Variants in TDRD15 observed in about 807,000 individuals in gnomAD.
TDRD15 encodes tudor domain-containing protein 15.
For missense variants in TDRD15, 1,416 were observed against 904.7 expected, an observed-to-expected ratio of 1.57 and a Z score of -7.25; for synonymous variants, 503 against 314.5, an observed-to-expected ratio of 1.60 and a Z score of -6.34.
At chr2:21,145,711 G>A (rs1054814955), downstream of TDRD15, among the ~76,000 whole-genome samples, 4 of 151,726 alleles carry the variant, frequency 2.6e-5, no homozygotes, top group African/African-American at 7.3e-5. Context: ...ACAAGAAAAC[G>A]ACATTAAAAA....
At chr2:21,146,775 A>G (rs1307547604), downstream of TDRD15, among the ~76,000 whole-genome samples, 1 of 152,126 alleles carries the variant, frequency 6.6e-6, no homozygotes, top group Non-Finnish European at 1.5e-5. Context: ...CTAGACATCC[A>G]GAGGAGAATG....
Position 21,140,503 on chromosome 2 carries a change from T to C in TDRD15, c.3036T>C (p.Ser1012=), listed in dbSNP as rs1665900891. The C allele has an allele frequency of 4.3e-6, 3 of 693,424 alleles. No homozygotes were observed. Among genetic ancestry groups the C allele is most frequent in the South Asian group, 1.6e-5 (1 of 62,314 alleles). 43.0% of individuals were successfully genotyped at this position (693,424 alleles called of 1,614,324 possible). The change falls in exon 4 of 4, where the codon TCT becomes TCC. Residue 1012 remains serine (S), a synonymous_variant. Coordinates refer to ENST00000405799, the MANE Select transcript of TDRD15 (RefSeq NM_001306137.2). ...TCCAAAATTTTCCAAAATATGATTC[T>C]AATAAAATGAGAGTGTGCATATCTA... The part of the protein sequence containing the change: ...VNLQNFPKYD[S]NKMRVCISKY...
At chr2:21,124,382 G>T (rs970689276) in intron 1 of TDRD15, among the ~76,000 whole-genome samples, 6 of 152,070 alleles carry the variant, frequency 3.9e-5, no homozygotes, top group Non-Finnish European at 7.4e-5. Flanking sequence ...GCCAGGGTGT[G>T]TATGACACAG....
chr2:21,137,890 G>C lies in TDRD15; in HGVS notation c.423G>C (p.Leu141Phe), dbSNP rs1451054436. Residue 141 changes from leucine (L) to phenylalanine (F), a missense_variant, in exon 4 of 4, where the codon TTG (leucine) becomes TTC (phenylalanine). Coordinates refer to ENST00000405799, the MANE Select transcript of TDRD15 (RefSeq NM_001306137.2). ...PVGEKWSPKALNYFKSLVGIQ... is the reference protein window; with the variant it reads ...PVGEKWSPKAFNYFKSLVGIQ... ...GGGAAAAATGGTCCCCTAAAGCTTT[G>C]AATTATTTCAAGTCATTAGTAGGAA... 1.4e-6 allele frequency: 1 copy of C among 716,042 alleles called. No homozygotes were observed. Among genetic ancestry groups the C allele is most frequent in the Non-Finnish European group, 2.6e-6 (1 of 384,316 alleles). 44.4% of individuals were successfully genotyped at this position (716,042 alleles called of 1,614,324 possible).
chr2:21,135,704 C>T (rs1665794968), intron 3 of TDRD15, among the ~76,000 whole-genome samples: 1 of 151,984 alleles, frequency 6.6e-6, no homozygotes, highest in Admixed American at 6.6e-5. Context: ...ACCCTACCCC[C>T]ATTCCCACCC....
intron 2 of TDRD15, among the ~76,000 whole-genome samples, chr2:21,130,552 A>C (rs1340824131): frequency 1.6e-4 from 25 of 152,186 alleles, no homozygotes; most frequent in Non-Finnish European, 3.7e-4. Context: ...TAAGTCTGAG[A>C]ACATCTTGTG....
chr2:21,134,362 G>A (rs183890888), intron 2 of TDRD15, among the ~76,000 whole-genome samples: 82 of 151,972 alleles, frequency 5.4e-4, no homozygotes, highest in East Asian at 2.9e-3. Context: ...GCAGAAAAGA[G>A]CACTAGTTAG....
Position 21,129,453 on chromosome 2 carries a change from T to A in TDRD15, c.-90+1742T>A, listed in dbSNP as rs1015486620. 2.0e-5 allele frequency among the ~76,000 whole-genome samples: 3 copies of A among 152,362 alleles called. No individual in the cohort carries two copies. In the East Asian group the frequency reaches 5.8e-4, roughly 29 times the overall value. On this transcript the variant is annotated intron_variant, in intron 2 of 3. Coordinates refer to ENST00000405799, the MANE Select transcript of TDRD15 (RefSeq NM_001306137.2). Reference sequence around the variant, plus strand: ...CATTGCAGTTTGTTTTCCTAGTGACTAATGATGTTGACTATCTTTTTATAT... The same window carrying A: ...CATTGCAGTTTGTTTTCCTAGTGACAAATGATGTTGACTATCTTTTTATAT...
downstream of TDRD15, among the ~76,000 whole-genome samples, chr2:21,146,652 G>C (rs960811725): frequency 1.3e-5 from 2 of 152,010 alleles, no homozygotes; most frequent in Non-Finnish European, 2.9e-5. Context: ...ATGGTAATAT[G>C]TGCCTATTCT....
chr2:21,129,756 C>T (rs1204780426), intron 2 of TDRD15, among the ~76,000 whole-genome samples: 1 of 152,014 alleles, frequency 6.6e-6, no homozygotes, highest in Non-Finnish European at 1.5e-5. Context: ...CTTTTGGAAC[C>T]ATATTTAAGA....
chr2:21,140,221 T>C lies in TDRD15; in HGVS notation c.2754T>C (p.Asp918=). The change falls in exon 4 of 4, where the codon GAT becomes GAC. Residue 918 remains aspartate (D), a synonymous_variant. Coordinates refer to ENST00000405799, the MANE Select transcript of TDRD15 (RefSeq NM_001306137.2). The stretch of plus-strand genomic sequence containing the variant: ...CAAACCATTTATATAACTTAGTGGA[T>C]TTACAGTCCTCATTTACTAGTGCAA... The part of the protein sequence containing the change: ...IHPNHLYNLV[D]LQSSFTSAKE... 1 of 715,408 alleles carries C rather than the reference T, an allele frequency of 1.4e-6. No homozygotes were observed. Among genetic ancestry groups the C allele is most frequent in the Non-Finnish European group, 2.6e-6 (1 of 383,792 alleles). The allele number at this position is 715,408 out of a possible 1,614,324, so 44.3% of individuals were successfully genotyped here.
In TDRD15 at chr2:21,143,501, T is replaced by C. The variant is rs1373596995; in HGVS notation, c.*229T>C. 6.6e-6 allele frequency among the ~76,000 whole-genome samples: 1 copy of C among 151,624 alleles called. No homozygotes were observed. Among genetic ancestry groups the C allele is most frequent in the Non-Finnish European group, 1.5e-5 (1 of 67,654 alleles). On this transcript the variant is annotated 3_prime_UTR_variant, in exon 4 of 4. Transcript: ENST00000405799. ...AAACATTTCCAGAGTACCATTTTGT[T>C]TGATACATGTACAACAGCTTCATTT...
intron 3 of TDRD15, among the ~76,000 whole-genome samples, chr2:21,135,125 T>C (rs1665784804): frequency 6.8e-6 from 1 of 146,090 alleles, no homozygotes; most frequent in South Asian, 2.1e-4. Context: ...ATATATTATG[T>C]ATTAAATATT....
Position 21,138,997 on chromosome 2 carries a change from A to C in TDRD15, c.1530A>C (p.Glu510Asp). ...ATGACCATCGGAATGAATTTCAAGA[A>C]ATAATGAAAAACATAAACAAATTTT... ...RTNDHRNEFQ[E>D]IMKNINKFYD... The change falls in exon 4 of 4, where the codon GAA (glutamate) becomes GAC (aspartate). Residue 510 changes from glutamate to aspartate, a missense_variant. Coordinates refer to ENST00000405799, the MANE Select transcript of TDRD15 (RefSeq NM_001306137.2). 1.4e-6 allele frequency: 1 copy of C among 712,372 alleles called. No homozygotes were observed. The allele number at this position is 712,372 out of a possible 1,614,324, so 44.1% of individuals were successfully genotyped here. A position where few individuals can be genotyped will look rare whatever the true frequency, so the allele number is the denominator to read the frequency against.
Position 21,139,943 on chromosome 2 carries a change from A to C in TDRD15, c.2476A>C (p.Lys826Gln). The change falls in exon 4 of 4, where the codon AAA (lysine) becomes CAA (glutamine). Residue 826 changes from lysine (K) to glutamine (Q), a missense_variant. Coordinates refer to ENST00000405799, the MANE Select transcript of TDRD15 (RefSeq NM_001306137.2). The part of the protein sequence containing the change: ...CRAAVLTQVS[K>Q]EVDIVFVDYG... ...AGCTGCTGTTTTGACTCAAGTATCAAAAGAAGTTGACATAGTGTTTGTTGA... is the reference window on the plus strand; with the variant it reads ...AGCTGCTGTTTTGACTCAAGTATCACAAGAAGTTGACATAGTGTTTGTTGA... 1.4e-6 allele frequency: 1 copy of C among 716,112 alleles called. No individual in the cohort carries two copies. Among genetic ancestry groups the C allele is most frequent in the South Asian group, 1.5e-5 (1 of 67,568 alleles). The allele number at this position is 716,112 out of a possible 1,614,324, so 44.4% of individuals were successfully genotyped here.
Position 21,139,677 on chromosome 2 carries a change from T to C in TDRD15, c.2210T>C (p.Leu737Ser), listed in dbSNP as rs1665881560. ...TCAGAATTTAAAAATCCTTTCACCT[T>C]GTCTGTGGGACCTGAGTCATCCTGG... ...NISEFKNPFT[L>S]SVGPESSWPY... is the part of the protein sequence containing the mutation. The change falls in exon 4 of 4, where the codon TTG (leucine) becomes TCG (serine). Residue 737 changes from leucine (L) to serine (S), a missense_variant. Coordinates refer to ENST00000405799, the MANE Select transcript of TDRD15 (RefSeq NM_001306137.2). 1 of 713,272 alleles carries C rather than the reference T, an allele frequency of 1.4e-6. No individual in the cohort carries two copies. Among genetic ancestry groups the C allele is most frequent in the African/African-American group, 1.8e-5 (1 of 56,966 alleles). The allele number at this position is 713,272 out of a possible 1,614,324, so 44.2% of individuals were successfully genotyped here.
downstream of TDRD15, among the ~76,000 whole-genome samples, chr2:21,146,994 TA>T (rs1666040185): frequency 6.6e-6 from 1 of 152,100 alleles, no homozygotes; most frequent in African/African-American, 2.4e-5. Context: ...TCTTCTTGTG[TA>T]AAATGGAGAT....
chr2:21,128,543 C>T (rs558318458), intron 2 of TDRD15, among the ~76,000 whole-genome samples: 8 of 152,038 alleles, frequency 5.3e-5, no homozygotes, highest in South Asian at 4.2e-4. Context: ...AGGATGGTCT[C>T]GATCTCCTGA....
rs542988836 is a variant in TDRD15, at chr2:21,141,857, A to G, written c.4390A>G (p.Asn1464Asp). ...NMICDEKCVI[N>D]ELLKWKACSK... ...GATTTGTGATGAAAAATGTGTCATTAATGAACTACTGAAATGGAAAGCATG... is the reference window on the plus strand; with the variant it reads ...GATTTGTGATGAAAAATGTGTCATTGATGAACTACTGAAATGGAAAGCATG... The change falls in exon 4 of 4, where the codon AAT (asparagine) becomes GAT (aspartate). Residue 1464 changes from asparagine (N) to aspartate (D), a missense_variant. Transcript: ENST00000405799. The G allele has an allele frequency of 1.4e-6, 1 of 715,370 alleles. No homozygotes were observed. The highest frequency in any genetic ancestry group is 1.7e-5 in the African/African-American group (1 of 57,278). 44.3% of individuals were successfully genotyped at this position (715,370 alleles called of 1,614,324 possible). A position where few individuals can be genotyped will look rare whatever the true frequency, so the allele number is the denominator to read the frequency against.
Sources: gnomAD v4.1 joint callset for allele counts (sites outside exome capture counted in the v4.1 genomes callset) on GRCh38, gnomAD v4.1.1 for gene constraint, MANE v1.5 for transcripts, NCBI Gene and HGNC (gene_info 2026-07-23, HGNC 2026-07-21) for gene names.